ASIC2: variants seen among roughly 807,000 people sequenced by gnomAD.
ASIC2 encodes acid sensing ion channel subunit 2.
Under a neutral mutation model 57.3 loss-of-function variants are expected in ASIC2, and 25 were observed. That is an observed-to-expected ratio of 0.44 (90% CI 0.32 to 0.61). The LOEUF is 0.61. Ranked by LOEUF, ASIC2 falls within the 20% of genes least tolerant of loss-of-function variation. The pLI is 0.06. For missense variants in ASIC2, 641 were observed against 738.1 expected, an observed-to-expected ratio of 0.87 and a Z score of 1.52; for synonymous variants, 319 against 307.5, an observed-to-expected ratio of 1.04 and a Z score of -0.39.
At chr17:34,153,885 G>A (rs1311266807) in intron 1 of ASIC2, among the ~76,000 whole-genome samples, 1 of 152,156 alleles carries the variant, frequency 6.6e-6, no homozygotes, top group Non-Finnish European at 1.5e-5. Flanking sequence ...ATTACAAAGA[G>A]GTCAAAAGCT....
At chr17:34,071,309 T>C (rs1909390527) in intron 1 of ASIC2, 1 of 152,206 alleles carries the variant, frequency 6.6e-6, no homozygotes, top group African/African-American at 2.4e-5. Context: ...TGGCTCTTGG[T>C]GGGCCTCATC....
intron 3 of ASIC2, among the ~76,000 whole-genome samples, chr17:33,038,490 T>A (rs2091917974): frequency 6.6e-6 from 1 of 152,114 alleles, no homozygotes; most frequent in Non-Finnish European, 1.5e-5. Flanking sequence ...CATTAGTGTA[T>A]AATGAACATG....
chr17:33,151,934 G>A (rs115515946), intron 1 of ASIC2, among the ~76,000 whole-genome samples: 3,522 of 152,316 alleles, frequency 0.023, 144 homozygotes, highest in African/African-American at 0.081. Context: ...AGCCCAAGAT[G>A]TAAGTAAAGT....
chr17:33,591,984 A>G lies in ASIC2; in HGVS notation c.556-479917T>C, dbSNP rs369339294. Among the ~76,000 whole-genome samples the G allele has an allele frequency of 3.5e-4, 54 of 152,300 alleles. 2 individuals carry two copies. The East Asian group carries it at 9.7e-3, about 27-fold the overall frequency. On this transcript the variant is annotated intron_variant, in intron 1 of 9. Coordinates refer to the ASIC2 transcript ENST00000359872. Reference sequence around the variant, plus strand: ...CCTGCCTCTGCTCCTATACCTAAGAAGGAAAAATCAAGGACAAGAATAAAT... The same window carrying G: ...CCTGCCTCTGCTCCTATACCTAAGAGGGAAAAATCAAGGACAAGAATAAAT...
intron 1 of ASIC2, among the ~76,000 whole-genome samples, chr17:33,128,251 A>G (rs1028545484): frequency 2.0e-5 from 3 of 152,150 alleles, no homozygotes; most frequent in Admixed American, 2.0e-4. Flanking sequence ...CTTGAACTTC[A>G]AATCTCAGCT....
chr17:33,756,006 C>T (rs185279410), intron 1 of ASIC2, among the ~76,000 whole-genome samples: 5 of 152,326 alleles, frequency 3.3e-5, no homozygotes, highest in Non-Finnish European at 7.4e-5. Flanking sequence ...TCTTGCTAAG[C>T]GCATGTGTGC....
At chr17:33,235,114 T>C (rs1203980926) in intron 1 of ASIC2, among the ~76,000 whole-genome samples, 1 of 152,240 alleles carries the variant, frequency 6.6e-6, no homozygotes, top group East Asian at 1.9e-4. Flanking sequence ...GGTTCACTGC[T>C]GGACCCTGGG....
At chr17:33,241,638 G>A (rs1908510804) in intron 1 of ASIC2, among the ~76,000 whole-genome samples, 1 of 152,200 alleles carries the variant, frequency 6.6e-6, no homozygotes, top group South Asian at 2.1e-4. Flanking sequence ...GGGCAGGAAA[G>A]AGGACTGTAT....
intron 1 of ASIC2, among the ~76,000 whole-genome samples, chr17:33,329,026 C>T (rs80030306): frequency 0.028 from 4,185 of 152,164 alleles, 69 homozygotes; most frequent in Non-Finnish European, 0.042. Context: ...AAAAGCCTTC[C>T]TTATTTAAGA....
intron 1 of ASIC2, among the ~76,000 whole-genome samples, chr17:33,831,436 C>T (rs1330441122): frequency 6.6e-6 from 1 of 152,092 alleles, no homozygotes; most frequent in African/African-American, 2.4e-5. Context: ...CAGGCCAGAT[C>T]CTACATTCTG....
chr17:33,416,172 G>C (rs144549686), intron 1 of ASIC2, among the ~76,000 whole-genome samples: 21 of 152,268 alleles, frequency 1.4e-4, no homozygotes, highest in African/African-American at 4.6e-4. Flanking sequence ...GACTATGCTG[G>C]AGGTCACTCA....
intron 1 of ASIC2, among the ~76,000 whole-genome samples, chr17:33,160,141 G>A (rs1167650393): frequency 6.6e-6 from 1 of 151,936 alleles, no homozygotes; most frequent in Admixed American, 6.6e-5. Context: ...CCTAGGAGGT[G>A]GAGGCTGCAG....
chr17:33,614,554 A>AC (rs1423260770), intron 1 of ASIC2, among the ~76,000 whole-genome samples: 1 of 152,260 alleles, frequency 6.6e-6, no homozygotes, highest in African/African-American at 2.4e-5. Context: ...AAGGGGCTAG[A>AC]TGGTATCATG....
In ASIC2 at chr17:33,898,220, C is replaced by CTTTTTTTTTTTTTT. The variant is rs771624171; in HGVS notation, c.555+257744_555+257757dup. Among the ~76,000 whole-genome samples the CTTTTTTTTTTTTTT allele has an allele frequency of 2.5e-3, 168 of 66,178 alleles. 46 individuals are homozygous for CTTTTTTTTTTTTTT. Among genetic ancestry groups the CTTTTTTTTTTTTTT allele is most frequent in the Non-Finnish European group, 3.2e-3 (117 of 36,090 alleles). The allele number at this position is 66,178 out of a possible 152,430, so 43.4% of individuals were successfully genotyped here. A position where few individuals can be genotyped will look rare whatever the true frequency, so the allele number is the denominator to read the frequency against. On this transcript the variant is annotated intron_variant, in intron 1 of 9. Transcript: ENST00000359872. ...AAACTGCCCAGAGTTCATGTATAAT[C>CTTTTTTTTTTTTTT]TTTTTTTTTTTTTTTTTTTTTTTTT...
At chr17:34,072,081 G>C (rs1909429822) in intron 1 of ASIC2, 1 of 152,428 alleles carries the variant, frequency 6.6e-6, no homozygotes, top group Admixed American at 6.5e-5. Context: ...AAGAGCAGCT[G>C]TGCTTTGTGC....
chr17:34,054,431 T>A (rs751815238), intron 1 of ASIC2, among the ~76,000 whole-genome samples: 1 of 152,210 alleles, frequency 6.6e-6, no homozygotes, highest in Non-Finnish European at 1.5e-5. Context: ...ATAGTGCTTT[T>A]TTCAAGCAAT....
chr17:33,332,719 C>T (rs1304734725), intron 1 of ASIC2, among the ~76,000 whole-genome samples: 2 of 151,996 alleles, frequency 1.3e-5, no homozygotes, highest in African/African-American at 2.4e-5. Context: ...GGTGAAACCC[C>T]GTCTCTACTA....
At chr17:33,494,926 C>T (rs1913879605) in intron 1 of ASIC2, among the ~76,000 whole-genome samples, 1 of 152,218 alleles carries the variant, frequency 6.6e-6, no homozygotes, top group Non-Finnish European at 1.5e-5. Context: ...CTCTGACCTG[C>T]TGTGCTCCAG....
At chr17:33,675,127 TAGCA>T (rs757422688) in intron 1 of ASIC2, among the ~76,000 whole-genome samples, 5 of 152,242 alleles carry the variant, frequency 3.3e-5, no homozygotes, top group Non-Finnish European at 5.9e-5. Flanking sequence ...ACCAGGCACA[TAGCA>T]AGTTACCACT....
Sources: allele counts gnomAD v4.1 joint callset (sites outside exome capture counted in the v4.1 genomes callset), GRCh38; gene constraint gnomAD v4.1.1; transcripts MANE v1.5; gene names NCBI Gene and HGNC (gene_info 2026-07-23, HGNC 2026-07-21).